Variants in CSMD3 observed in about 807,000 individuals in gnomAD.
CSMD3 encodes CUB and Sushi multiple domains 3.
Under a neutral mutation model 435.2 loss-of-function variants are expected in CSMD3, and 177 were observed. The observed-to-expected ratio is 0.41, with a 90% CI of 0.36 to 0.46. The LOEUF is 0.46. CSMD3 is among the 20% of genes least tolerant of loss of function. The pLI, the probability that CSMD3 is intolerant of heterozygous loss-of-function variation, is 0.34. For synonymous variants in CSMD3, 1,656 were observed against 1,520.5 expected, an observed-to-expected ratio of 1.09 and a Z score of -2.07; for missense variants, 4,265 against 4,504.6, an observed-to-expected ratio of 0.95 and a Z score of 1.52.
chr8:112,776,534 C>T (rs186626151), intron 13 of CSMD3, among the ~76,000 whole-genome samples: 5 of 151,760 alleles, frequency 3.3e-5, no homozygotes, highest in Admixed American at 3.3e-4. Flanking sequence ...ATTTTCAAAT[C>T]TCATATTTTC....
chr8:113,357,927 G>A (rs867476997), intron 1 of CSMD3, among the ~76,000 whole-genome samples: 48 of 152,222 alleles, frequency 3.2e-4, no homozygotes, highest in Middle Eastern at 3.4e-3. Context: ...CACAGCCTGC[G>A]GAACTGTGAG....
In CSMD3 at chr8:112,849,532, G is replaced by A. The variant is rs372842187; in HGVS notation, c.1755+9613C>T. The stretch of plus-strand genomic sequence containing the variant: ...AAGTAAAGGTAGCCAACACTAGCAT[G>A]TGTTTTAATCACCTGGATTTTCTCC... On this transcript the variant is annotated intron_variant, in intron 11 of 70. Coordinates refer to ENST00000297405, the MANE Select transcript of CSMD3 (RefSeq NM_198123.2). Among the ~76,000 whole-genome samples, 312 of 152,034 alleles carry A rather than the reference G, an allele frequency of 2.1e-3. 1 individual carries two copies. The highest frequency in any genetic ancestry group is 7.1e-3 in the African/African-American group (294 of 41,512).
chr8:112,413,264 A>C (rs1462210705), intron 32 of CSMD3, among the ~76,000 whole-genome samples: 2 of 152,190 alleles, frequency 1.3e-5, no homozygotes, highest in African/African-American at 4.8e-5. Context: ...TAGACAAAGC[A>C]AGCTTTATTT....
chr8:112,248,137 G>T (rs1334252505), intron 63 of CSMD3, among the ~76,000 whole-genome samples: 3 of 151,918 alleles, frequency 2.0e-5, no homozygotes, highest in Non-Finnish European at 1.5e-5. Flanking sequence ...TCCTCTTTGA[G>T]ACCTAATTTA....
chr8:113,189,195 A>G (rs182885287), intron 3 of CSMD3, among the ~76,000 whole-genome samples: 1 of 151,966 alleles, frequency 6.6e-6, no homozygotes, highest in African/African-American at 2.4e-5. Context: ...AATCATGCTA[A>G]CTAGTTTTGT....
At position 112,314,557 on chromosome 8, in the gene CSMD3, T is replaced by C; in HGVS notation, c.7421A>G (p.Tyr2474Cys). The change falls in exon 48 of 71, where the codon TAT becomes TGT. Residue 2474 changes from tyrosine (Y) to cysteine (C), a missense_variant. Coordinates refer to ENST00000297405, the MANE Select transcript of CSMD3 (RefSeq NM_198123.2). Reference sequence around the variant, plus strand: ...TTGAAGATTTGGGTAACTGTCAGGATATCCAGGGCTCAATATGACTCCAGT... The same window carrying C: ...TTGAAGATTTGGGTAACTGTCAGGACATCCAGGGCTCAATATGACTCCAGT... ...DSTGVILSPGYPDSYPNLQMC... is the reference protein window; with the variant it reads ...DSTGVILSPGCPDSYPNLQMC... The C allele has an allele frequency of 1.2e-6, 2 of 1,612,714 alleles. No individual in the cohort carries two copies. Among genetic ancestry groups the C allele is most frequent in the South Asian group, 2.2e-5 (2 of 91,054 alleles).
chr8:112,689,889 C>T lies in CSMD3; in HGVS notation c.2134G>A (p.Ala712Thr), dbSNP rs1422432664. ...TCACAGATACAGATGGGTATGTTTG[C>T]AGACCATTGGTTATTCTCTTGACAA... The part of the protein sequence containing the change: ...IVCQENNQWS[A>T]NIPICIFPCL... The change falls in exon 14 of 71, where the codon GCA (alanine) becomes ACA (threonine). Residue 712 changes from alanine to threonine, a missense_variant. Physicochemically the swap from Ala to Thr is moderately conservative, Grantham distance 58 (BLOSUM62 0). This residue lies in a region of CSMD3 where 279 missense variants were observed against 369.0 expected (regional missense o/e 0.76). Coordinates refer to ENST00000297405, the MANE Select transcript of CSMD3 (RefSeq NM_198123.2). 1.9e-6 allele frequency: 3 copies of T among 1,613,170 alleles called. No homozygotes were observed. The highest frequency in any genetic ancestry group is 4.5e-5 in the East Asian group (2 of 44,798).
At chr8:113,113,488 C>T (rs2131606683) in intron 4 of CSMD3, among the ~76,000 whole-genome samples, 1 of 152,210 alleles carries the variant, frequency 6.6e-6, no homozygotes, top group South Asian at 2.1e-4. Flanking sequence ...TACTAAGCAA[C>T]AAATAATGTT....
intron 1 of CSMD3, among the ~76,000 whole-genome samples, chr8:113,338,551 A>T (rs902214620): frequency 2.0e-5 from 3 of 152,018 alleles, no homozygotes; most frequent in African/African-American, 7.2e-5. Flanking sequence ...ACAATAAAAT[A>T]AAATAAAGCA....
chr8:113,097,878 T>C (rs2090212722), intron 5 of CSMD3, among the ~76,000 whole-genome samples: 1 of 151,976 alleles, frequency 6.6e-6, no homozygotes, highest in South Asian at 2.1e-4. Context: ...CATTACAAAG[T>C]CCTTTTGATT....
At chr8:112,671,749 G>A (rs2131731409) in intron 16 of CSMD3, among the ~76,000 whole-genome samples, 1 of 152,042 alleles carries the variant, frequency 6.6e-6, no homozygotes, top group Middle Eastern at 3.4e-3. Context: ...TTCCACAGTA[G>A]ATTTATTATT....
chr8:112,348,902 T>C (rs1351249424), intron 40 of CSMD3, among the ~76,000 whole-genome samples: 1 of 152,176 alleles, frequency 6.6e-6, no homozygotes, highest in African/African-American at 2.4e-5. Flanking sequence ...AGAAAATTGA[T>C]AATTTTTTAA....
chr8:113,092,138 C>T (rs1028705093), intron 5 of CSMD3, among the ~76,000 whole-genome samples: 3 of 152,010 alleles, frequency 2.0e-5, no homozygotes, highest in African/African-American at 7.2e-5. Context: ...TCCTTACAAC[C>T]TCTGACATAA....
chr8:112,876,388 T>C (rs995304660), intron 10 of CSMD3, among the ~76,000 whole-genome samples: 4 of 152,138 alleles, frequency 2.6e-5, no homozygotes, highest in African/African-American at 9.7e-5. Context: ...AAAAAGAACA[T>C]TTCAGGCCAA....
At chr8:113,419,116 T>A (rs2094597106) in intron 1 of CSMD3, among the ~76,000 whole-genome samples, 1 of 145,704 alleles carries the variant, frequency 6.9e-6, no homozygotes, top group African/African-American at 2.5e-5. Context: ...CACTTGTTTT[T>A]TTTGGTTTGT....
In CSMD3 at chr8:112,492,479, T is replaced by C; in HGVS notation, c.5278+10A>G. On this transcript the variant is annotated intron_variant, in intron 31 of 70. Transcript: ENST00000297405. ...ATCATGAAAATTCAGCCAAAAAATATGTTCCTTACCATGACAACTTGGCAA... is the reference window on the plus strand; with the variant it reads ...ATCATGAAAATTCAGCCAAAAAATACGTTCCTTACCATGACAACTTGGCAA... The C allele has an allele frequency of 3.7e-6, 6 of 1,611,106 alleles. No individual in the cohort carries two copies. Among genetic ancestry groups the C allele is most frequent in the African/African-American group, 1.3e-5 (1 of 75,004 alleles).
intron 45 of CSMD3, among the ~76,000 whole-genome samples, chr8:112,326,318 G>A (rs1214224840): frequency 6.6e-6 from 1 of 152,096 alleles, no homozygotes; most frequent in Non-Finnish European, 1.5e-5. Flanking sequence ...AATCCAGTTT[G>A]TATTGATAAC....
chr8:112,848,844 A>G (rs231312), intron 11 of CSMD3, among the ~76,000 whole-genome samples: 30,706 of 151,928 alleles, frequency 0.2, 3,902 homozygotes, highest in Non-Finnish European at 0.29. Context: ...GTAGGGTGGG[A>G]AGCTCCAGAG....
In CSMD3 at chr8:112,606,882, G is replaced by A. The variant is rs139712781; in HGVS notation, c.3716-19647C>T. 4.7e-3 allele frequency among the ~76,000 whole-genome samples: 690 copies of A among 146,226 alleles called. 3 individuals are homozygous for A. Among genetic ancestry groups the A allele is most frequent in the Non-Finnish European group, 8.6e-3 (576 of 67,124 alleles). On this transcript the variant is annotated intron_variant, in intron 22 of 70. Coordinates refer to ENST00000297405, the MANE Select transcript of CSMD3 (RefSeq NM_198123.2). The stretch of plus-strand genomic sequence containing the variant: ...ACAAAACCTTATGGGATGCAGCATT[G>A]TCCAAGAGAGAAGTTTTCAGTGATA...
Sources: allele counts gnomAD v4.1 joint callset (sites outside exome capture counted in the v4.1 genomes callset), GRCh38; gene constraint gnomAD v4.1.1; regional missense constraint gnomAD v4.1.1; transcripts MANE v1.5; gene names NCBI Gene and HGNC (gene_info 2026-07-23, HGNC 2026-07-21).